LMNTD1: variants seen among roughly 807,000 people sequenced by gnomAD.
LMNTD1 encodes the protein lamin tail domain-containing protein 1.
In LMNTD1, 35 loss-of-function variants were observed where a neutral mutation model predicts 50.9. That is an observed-to-expected ratio of 0.69 (90% confidence interval 0.53 to 0.91). The LOEUF is 0.91. LMNTD1 is among the 40% of genes least tolerant of loss of function. The probability of loss-of-function intolerance (pLI) is 0.00; values close to 1 mark genes in which losing one functional copy is unlikely to be tolerated. For synonymous variants in LMNTD1, 153 were observed against 161.9 expected (o/e 0.94, Z 0.42); for missense variants, 470 against 475.5 (o/e 0.99, Z 0.11).
At chr12:25,527,615 C>CTTA (rs1259014744) in intron 4 of LMNTD1, among the ~76,000 whole-genome samples, 1 of 130,712 alleles carries the variant, frequency 7.7e-6, no homozygotes, top group Non-Finnish European at 1.6e-5. Context: ...AACAATACCA[C>CTTA]TTATATGCCA....
chr12:25,606,642 T>C (rs1315377584), intron 1 of LMNTD1, among the ~76,000 whole-genome samples: 1 of 152,242 alleles, frequency 6.6e-6, no homozygotes, highest in Non-Finnish European at 1.5e-5. Flanking sequence ...GTTTATTGAT[T>C]TGCATATGTT....
In LMNTD1 at chr12:25,504,581, C is replaced by T. The variant is rs149192795; in HGVS notation, c.1190-781G>A. Among the ~76,000 whole-genome samples, 38 of 151,992 alleles carry T rather than the reference C, an allele frequency of 2.5e-4. 1 individual carries two copies. The highest frequency in any genetic ancestry group is 7.2e-4 in the African/African-American group (30 of 41,450). On this transcript the variant is annotated intron_variant, in intron 8 of 9. Coordinates refer to ENST00000458174, the MANE Select transcript of LMNTD1 (RefSeq NM_001145728.2). ...GATAATGAGCTCCTTTGGAAAAAAA[C>T]AAAATAAAACAGGAAAATATCCTCA...
intron 9 of LMNTD1, among the ~76,000 whole-genome samples, chr12:25,488,626 C>G (rs1938752547): frequency 6.6e-6 from 1 of 151,582 alleles, no homozygotes; most frequent in South Asian, 2.1e-4. Flanking sequence ...GCCTTCTTCT[C>G]TCAGCTCGTC....
rs145010563 is a variant in LMNTD1 at position 25,522,426 on chromosome 12, T to G, written c.799-2351A>C. ...ATAAAATTTAGCCTCAGCTCTAGAA[T>G]GTCGGCCACATGAAACTTACAAACT... On this transcript the variant is annotated intron_variant, in intron 6 of 9. Coordinates refer to ENST00000458174, the MANE Select transcript of LMNTD1 (RefSeq NM_001145728.2). Among the ~76,000 whole-genome samples, 3 of 152,334 alleles carry G rather than the reference T, an allele frequency of 2.0e-5. No individual in the cohort carries two copies. In the East Asian group the frequency reaches 5.8e-4, roughly 29 times the overall value.
chr12:25,536,027 G>T (rs1183107440), intron 4 of LMNTD1, among the ~76,000 whole-genome samples: 1 of 152,128 alleles, frequency 6.6e-6, no homozygotes, highest in Non-Finnish European at 1.5e-5. Context: ...TCAGAAGGAT[G>T]TAACATTCCT....
intron 1 of LMNTD1, among the ~76,000 whole-genome samples, chr12:25,585,585 T>C (rs948409941): frequency 6.6e-6 from 1 of 152,238 alleles, no homozygotes; most frequent in African/African-American, 2.4e-5. Context: ...AAAGTAATTT[T>C]GAAATGCAAT....
At chr12:25,537,621 G>GA (rs960326186) in intron 4 of LMNTD1, among the ~76,000 whole-genome samples, 2 of 151,480 alleles carry the variant, frequency 1.3e-5, no homozygotes, top group African/African-American at 4.8e-5. Flanking sequence ...CAAAGATGGG[G>GA]AAAAAACAGA....
chr12:25,480,786 A>G (rs1938419436), intron 9 of LMNTD1, among the ~76,000 whole-genome samples: 1 of 152,202 alleles, frequency 6.6e-6, no homozygotes, highest in African/African-American at 2.4e-5. Flanking sequence ...AATAATTTGA[A>G]ATCCACAGAT....
chr12:25,626,437 G>T (rs1946591220), intron 1 of LMNTD1, among the ~76,000 whole-genome samples: 1 of 151,860 alleles, frequency 6.6e-6, no homozygotes, highest in Admixed American at 6.6e-5. Flanking sequence ...TGAAAATGCT[G>T]GTTATCAATG....
At chr12:25,613,628 T>C (rs1310522243) in intron 1 of LMNTD1, among the ~76,000 whole-genome samples, 1 of 152,186 alleles carries the variant, frequency 6.6e-6, no homozygotes, top group African/African-American at 2.4e-5. Flanking sequence ...CTGAATAGTG[T>C]CTGGCACATA....
intron 9 of LMNTD1, chr12:25,503,166 C>T (rs779535192): frequency 6.6e-6 from 1 of 152,232 alleles, no homozygotes; most frequent in Non-Finnish European, 1.5e-5. Flanking sequence ...ACCACCTTGT[C>T]ATTAGCTATT....
intron 1 of LMNTD1, among the ~76,000 whole-genome samples, chr12:25,564,869 T>C (rs1381433367): frequency 6.6e-6 from 1 of 152,196 alleles, no homozygotes; most frequent in Non-Finnish European, 1.5e-5. Flanking sequence ...TCTCTCTCTT[T>C]ATCTCTAATA....
At chr12:25,506,833 T>C (rs1378831362) in intron 8 of LMNTD1, among the ~76,000 whole-genome samples, 1 of 151,994 alleles carries the variant, frequency 6.6e-6, no homozygotes, top group Non-Finnish European at 1.5e-5. Context: ...TGTATACTTA[T>C]CACCCAGATT....
chr12:25,513,283 G>A (rs1940450777), intron 8 of LMNTD1, among the ~76,000 whole-genome samples: 3 of 152,126 alleles, frequency 2.0e-5, no homozygotes, highest in South Asian at 4.1e-4. Context: ...GCAAGAACAC[G>A]ATATAAATTT....
rs539680392 is a variant in LMNTD1 at position 25,620,191 on chromosome 12, G to A, written c.58+28303C>T. On this transcript the variant is annotated intron_variant, in intron 1 of 7. Coordinates refer to the LMNTD1 transcript ENST00000445693. ...ACTGTGTTTTCCCACAAGTGATTGC[G>A]TTTTAGATGGAATAGCAACACCATC... 9.9e-4 allele frequency among the ~76,000 whole-genome samples: 151 copies of A among 152,198 alleles called. 2 individuals carry two copies. In the Middle Eastern group the frequency reaches 0.017, roughly 17 times the overall value.
At chr12:25,484,076 C>T (rs1938531247) in intron 9 of LMNTD1, among the ~76,000 whole-genome samples, 1 of 151,666 alleles carries the variant, frequency 6.6e-6, no homozygotes, top group South Asian at 2.1e-4. Context: ...TTGTGTTTTT[C>T]TTTTGTAAAT....
At chr12:25,484,095 A>T (rs956197333) in intron 9 of LMNTD1, among the ~76,000 whole-genome samples, 11 of 152,020 alleles carry the variant, frequency 7.2e-5, no homozygotes, top group African/African-American at 2.4e-4. Context: ...ATTAAAAAAA[A>T]ATGTTGGGAG....
chr12:25,576,551 C>A (rs1047759381), intron 1 of LMNTD1, among the ~76,000 whole-genome samples: 1 of 152,030 alleles, frequency 6.6e-6, no homozygotes, highest in Non-Finnish European at 1.5e-5. Context: ...TGATTTTTTT[C>A]TTGTAAATTT....
At chr12:25,561,646 G>A (rs985029134) in intron 1 of LMNTD1, among the ~76,000 whole-genome samples, 45 of 152,310 alleles carry the variant, frequency 3.0e-4, no homozygotes, top group African/African-American at 9.9e-4. Context: ...TTCTGTAGAT[G>A]TCTATTAGGT....
Sources: gnomAD v4.1 joint callset for allele counts (sites outside exome capture counted in the v4.1 genomes callset) on GRCh38, gnomAD v4.1.1 for gene constraint, MANE v1.5 for transcripts, NCBI Gene and HGNC (gene_info 2026-07-23, HGNC 2026-07-21) for gene names.